The following CADM2 variants were observed in gnomAD, a reference collection of about 807,000 sequenced individuals.
CADM2 encodes the protein immunoglobulin superfamily member 4D.
Under a neutral mutation model 49.8 loss-of-function variants are expected in CADM2, and 12 were observed. The ratio of observed to expected loss-of-function variants is 0.24; its 90% CI spans 0.15 to 0.39. CADM2 has a LOEUF of 0.39. Ranked by LOEUF, CADM2 falls within the 10% of genes least tolerant of loss-of-function variation. The probability of loss-of-function intolerance (pLI) is 1.00; values close to 1 mark genes in which losing one functional copy is unlikely to be tolerated. For synonymous variants in CADM2, 214 were observed against 175.4 expected (o/e 1.22, Z -1.74); for missense variants, 378 against 492.3 (o/e 0.77, Z 2.20).
intron 1 of CADM2, among the ~76,000 whole-genome samples, chr3:85,700,265 C>T (rs975172338): frequency 3.9e-5 from 6 of 152,160 alleles, no homozygotes; most frequent in Admixed American, 1.3e-4. Context: ...TGTTCTCACT[C>T]ATAAATGGGA....
intron 1 of CADM2, among the ~76,000 whole-genome samples, chr3:85,654,841 T>C (rs1380002986): frequency 6.6e-6 from 1 of 152,228 alleles, no homozygotes. Context: ...TTGTATTCTC[T>C]ACATCATTGA....
chr3:85,694,686 T>A (rs1483923282), intron 1 of CADM2, among the ~76,000 whole-genome samples: 1 of 152,216 alleles, frequency 6.6e-6, no homozygotes, highest in Non-Finnish European at 1.5e-5. Flanking sequence ...CCATCTATAC[T>A]CCAGACACAC....
At chr3:85,660,746 AG>A (rs1185533244) in intron 1 of CADM2, among the ~76,000 whole-genome samples, 1 of 152,038 alleles carries the variant, frequency 6.6e-6, no homozygotes. Context: ...TCCTTCTTCA[AG>A]GTTTAAAAAT....
chr3:85,680,496 G>A (rs2066009735), intron 1 of CADM2, among the ~76,000 whole-genome samples: 1 of 152,076 alleles, frequency 6.6e-6, no homozygotes, highest in South Asian at 2.1e-4. Context: ...ATTATTCTCT[G>A]CAATGTTCCT....
intron 1 of CADM2, among the ~76,000 whole-genome samples, chr3:85,420,448 T>C (rs1389556613): frequency 2.0e-5 from 3 of 152,140 alleles, no homozygotes; most frequent in African/African-American, 4.8e-5. Flanking sequence ...ATAGAGAACA[T>C]GGGGTGAAGT....
chr3:85,455,069 A>G (rs146442207), intron 1 of CADM2, among the ~76,000 whole-genome samples: 1 of 152,332 alleles, frequency 6.6e-6, no homozygotes, highest in African/African-American at 2.4e-5. Flanking sequence ...TCCTACAAAT[A>G]TCTGTAACCT....
chr3:85,792,746 G>A (rs1031982044), intron 2 of CADM2, among the ~76,000 whole-genome samples: 3 of 152,176 alleles, frequency 2.0e-5, no homozygotes, highest in African/African-American at 7.2e-5. Context: ...CTTGAATGAT[G>A]TTATTTTCGA....
intron 1 of CADM2, among the ~76,000 whole-genome samples, chr3:85,424,327 T>C (rs2036302628): frequency 1.3e-5 from 2 of 151,444 alleles, no homozygotes; most frequent in Non-Finnish European, 2.9e-5. Flanking sequence ...AAAAATAATA[T>C]ATATGTCTTC....
intron 1 of CADM2, chr3:84,960,275 G>A (rs912429955): frequency 9.3e-5 from 14 of 151,226 alleles, no homozygotes; most frequent in African/African-American, 3.4e-4. Flanking sequence ...CATTTACCTA[G>A]GAAGAGAGAG....
chr3:86,019,140 T>C (rs1357203665), intron 8 of CADM2, among the ~76,000 whole-genome samples: 3 of 116,502 alleles, frequency 2.6e-5, no homozygotes, highest in Non-Finnish European at 3.5e-5. Context: ...AGGGAATCCT[T>C]TCCCCATTGC....
chr3:84,971,233 A>C (rs892824185), intron 1 of CADM2, among the ~76,000 whole-genome samples: 6 of 152,136 alleles, frequency 3.9e-5, no homozygotes, highest in Non-Finnish European at 5.9e-5. Flanking sequence ...AATATCCATA[A>C]TATTTAGCAA....
At chr3:84,992,268 A>C (rs2032934303) in intron 1 of CADM2, among the ~76,000 whole-genome samples, 1 of 152,184 alleles carries the variant, frequency 6.6e-6, no homozygotes, top group Admixed American at 6.5e-5. Flanking sequence ...AACAAAGTTT[A>C]TTTTAAAAGC....
chr3:85,446,991 C>CATATATATATAT (rs141177883), intron 1 of CADM2, among the ~76,000 whole-genome samples: 14 of 54,562 alleles, frequency 2.6e-4, no homozygotes, highest in East Asian at 1.3e-3. Flanking sequence ...ATATGTATTG[C>CATATATATATAT]ATATATATAT....
intron 1 of CADM2, among the ~76,000 whole-genome samples, chr3:85,050,233 G>A (rs972529546): frequency 3.9e-5 from 6 of 152,070 alleles, no homozygotes; most frequent in East Asian, 1.9e-4. Context: ...AAGATGACCA[G>A]GTAGGAGGCT....
intron 1 of CADM2, among the ~76,000 whole-genome samples, chr3:85,676,599 T>G (rs1190502597): frequency 6.6e-6 from 1 of 152,176 alleles, no homozygotes; most frequent in Non-Finnish European, 1.5e-5. Flanking sequence ...GGACCTTCTA[T>G]TTTGAGATAG....
intron 1 of CADM2, among the ~76,000 whole-genome samples, chr3:85,285,961 GTACTTT>G (rs568962194): frequency 2.0e-4 from 30 of 152,204 alleles, no homozygotes; most frequent in African/African-American, 7.0e-4. Flanking sequence ...TGGAAATGTT[GTACTTT>G]TACTTAACCT....
intron 1 of CADM2, among the ~76,000 whole-genome samples, chr3:85,057,588 CTTT>C (rs1158271461): frequency 6.6e-6 from 1 of 151,812 alleles, no homozygotes; most frequent in East Asian, 1.9e-4. Flanking sequence ...AGATTTTTTT[CTTT>C]GTCATTAACA....
intron 1 of CADM2, among the ~76,000 whole-genome samples, chr3:85,251,348 C>T (rs962167205): frequency 1.3e-5 from 2 of 151,706 alleles, no homozygotes; most frequent in Non-Finnish European, 3.0e-5. Flanking sequence ...GTCTCCAGAT[C>T]CAAGTAGGAA....
chr3:85,540,510 C>A (rs1425330844), intron 1 of CADM2, among the ~76,000 whole-genome samples: 4 of 152,092 alleles, frequency 2.6e-5, no homozygotes, highest in South Asian at 2.1e-4. Context: ...TGCTGACATC[C>A]ACAACTTTCA....
Sources: gnomAD v4.1 joint callset for allele counts (sites outside exome capture counted in the v4.1 genomes callset) on GRCh38, gnomAD v4.1.1 for gene constraint, MANE v1.5 for transcripts, NCBI Gene and HGNC (gene_info 2026-07-23, HGNC 2026-07-21) for gene names.